Variants in EXPH5 observed in about 807,000 individuals in gnomAD.
EXPH5 encodes the protein exophilin 5.
In EXPH5, 42 loss-of-function variants were observed where a neutral mutation model predicts 41.1. That is an observed-to-expected ratio of 1.02 (90% CI 0.80 to 1.32). The LOEUF is 1.32. Among genes scored for constraint, EXPH5 ranks in the 40% most tolerant of loss-of-function variants. The pLI is 0.00. For synonymous variants in EXPH5, 798 were observed against 833.5 expected (o/e 0.96, Z 0.73); for missense variants, 2,298 against 2,314.5 (o/e 0.99, Z 0.15).
chr11:108,514,664 C>T lies in EXPH5; in HGVS notation c.843G>A (p.Arg281=). The part of the protein sequence containing the change: ...IYDILRPGTP[R]EGFKTFSPRT... ...TAGGAGAAAAGGTTTTAAAACCTTC[C>T]CTAGGAGTTCCTGGTCTTAGGATGT... is the stretch of plus-strand genomic sequence containing the variant. The change falls in exon 6 of 6, where the codon AGG becomes AGA. Residue 281 remains arginine, a synonymous_variant. Transcript: ENST00000265843. 13 of 1,604,158 alleles carry T rather than the reference C, an allele frequency of 8.1e-6. No individual in the cohort carries two copies. The highest frequency in any genetic ancestry group is 2.2e-5 in the East Asian group (1 of 44,862).
rs151065629 is a variant in EXPH5, at chr11:108,551,963, G to T, written c.120-10151C>A. ...TCGGGCCAGTGTCATAATGGAAGACGGATCAGGATGTCCAAGCAAGAGCCT... is the reference window on the plus strand; with the variant it reads ...TCGGGCCAGTGTCATAATGGAAGACTGATCAGGATGTCCAAGCAAGAGCCT... On this transcript the variant is annotated intron_variant, in intron 1 of 5. Coordinates refer to ENST00000265843, the MANE Select transcript of EXPH5 (RefSeq NM_015065.3). 2.6e-5 allele frequency: 4 copies of T among 152,182 alleles called. No individual in the cohort carries two copies. In the East Asian group the frequency reaches 7.7e-4, roughly 29 times the overall value. The allele number at this position is 152,182 out of a possible 1,614,324, so 9.4% of individuals were successfully genotyped here. A position where few individuals can be genotyped will look rare whatever the true frequency, so the allele number is the denominator to read the frequency against.
chr11:108,555,170 A>C (rs967316569), intron 1 of EXPH5, among the ~76,000 whole-genome samples: 8 of 152,246 alleles, frequency 5.3e-5, no homozygotes, highest in Non-Finnish European at 8.8e-5. Context: ...TCACCCGGCT[A>C]GCTCTCACAC....
chr11:108,542,503 A>G (rs2093918063), intron 1 of EXPH5, among the ~76,000 whole-genome samples: 1 of 152,186 alleles, frequency 6.6e-6, no homozygotes. Context: ...GACACGCAGA[A>G]ACTAGAATAT....
intron 3 of EXPH5, among the ~76,000 whole-genome samples, chr11:108,534,489 C>T (rs1345698760): frequency 6.6e-6 from 1 of 152,216 alleles, no homozygotes; most frequent in East Asian, 1.9e-4. Context: ...GTCATTGAAC[C>T]TCAGTGACCT....
chr11:108,510,650 G>A lies in EXPH5; in HGVS notation c.4857C>T (p.Ile1619=). 1.2e-6 allele frequency: 2 copies of A among 1,614,216 alleles called. No homozygotes were observed. Among genetic ancestry groups the A allele is most frequent in the Non-Finnish European group, 8.5e-7 (1 of 1,180,038 alleles). ...CAGATCTGCTTCCACTTTGGGGGAA[G>A]ATAGTAGCTACATGTCTTCTGGGGC... The part of the protein sequence containing the change: ...DVSPRRHVAT[I]FPQSGSRSGF... The change falls in exon 6 of 6, where the codon ATC becomes ATT. Residue 1619 remains isoleucine, a synonymous_variant. Coordinates refer to ENST00000265843, the MANE Select transcript of EXPH5 (RefSeq NM_015065.3).
At position 108,510,709 on chromosome 11, in the gene EXPH5, T is replaced by A. The variant is rs759490119; in HGVS notation, c.4798A>T (p.Lys1600Ter). 6.2e-7 allele frequency: 1 copy of A among 1,614,234 alleles called. No individual in the cohort carries two copies. Among genetic ancestry groups the A allele is most frequent in the South Asian group, 1.1e-5 (1 of 91,088 alleles). The change falls in exon 6 of 6, where the codon AAA becomes TAA. Residue 1600 changes from lysine to a stop codon, truncating the protein, a stop_gained. Transcript: ENST00000265843. LOFTEE classifies it low-confidence loss of function (END_TRUNC). ...TTAGCTGGGAATTTTCTGCTGGCTTTAGACATGGCTGCCAATCTGTGTTTA... is the reference window on the plus strand; with the variant it reads ...TTAGCTGGGAATTTTCTGCTGGCTTAAGACATGGCTGCCAATCTGTGTTTA... ...SVKHRLAAMSKASRKFPAKDV... is the reference protein window; with the variant it reads ...SVKHRLAAMS
intron 1 of EXPH5, among the ~76,000 whole-genome samples, chr11:108,591,938 C>G (rs2136130307): frequency 6.6e-6 from 1 of 152,320 alleles, no homozygotes; most frequent in South Asian, 2.1e-4. Context: ...TTAAGAAGCC[C>G]CATCCTCTTC....
rs140229612 is a variant in EXPH5, at chr11:108,583,243, G to A, written c.119+10175C>T. On this transcript the variant is annotated intron_variant, in intron 1 of 5. Transcript: ENST00000265843. ...TAAAAATACAAAAAATTAGCCGGGCGTGGTGGCGGGCTCCTGTAGTCCCAA... is the reference window on the plus strand; with the variant it reads ...TAAAAATACAAAAAATTAGCCGGGCATGGTGGCGGGCTCCTGTAGTCCCAA... Among the ~76,000 whole-genome samples the A allele has an allele frequency of 1.9e-3, 294 of 151,944 alleles. 4 individuals are homozygous for A. Among genetic ancestry groups the A allele is most frequent in the African/African-American group, 6.1e-3 (252 of 41,456 alleles).
At position 108,520,190 on chromosome 11, in the gene EXPH5, C is replaced by T. The variant is rs143624814; in HGVS notation, c.493-1817G>A. Reference sequence around the variant, plus strand: ...TAGGCGTTAGATTCTCACAGGATTGCGAACCCTATTGTGAACTGCACATGC... The same window carrying T: ...TAGGCGTTAGATTCTCACAGGATTGTGAACCCTATTGTGAACTGCACATGC... On this transcript the variant is annotated intron_variant, in intron 4 of 5. Transcript: ENST00000265843. Among the ~76,000 whole-genome samples, 20 of 152,232 alleles carry T rather than the reference C, an allele frequency of 1.3e-4. 1 individual carries two copies. The highest frequency in any genetic ancestry group is 7.8e-4 in the Admixed American group (12 of 15,294).
At chr11:108,571,403 G>C (rs1428453977) in intron 1 of EXPH5, among the ~76,000 whole-genome samples, 1 of 152,190 alleles carries the variant, frequency 6.6e-6, no homozygotes, top group African/African-American at 2.4e-5. Context: ...GAGGCACTGG[G>C]AAACAGACCA....
intron 3 of EXPH5, among the ~76,000 whole-genome samples, chr11:108,533,671 C>T (rs978311937): frequency 7.2e-5 from 11 of 152,196 alleles, no homozygotes; most frequent in African/African-American, 2.4e-4. Flanking sequence ...TTCTCAGTCT[C>T]TACACTGTTG....
intron 1 of EXPH5, among the ~76,000 whole-genome samples, chr11:108,587,952 C>T (rs944681608): frequency 5.3e-5 from 8 of 152,112 alleles, no homozygotes; most frequent in Non-Finnish European, 1.0e-4. Flanking sequence ...GGGGTTTCAC[C>T]GTGTTGGCCA....
intron 1 of EXPH5, among the ~76,000 whole-genome samples, chr11:108,588,313 G>T (rs376890526): frequency 1.3e-5 from 2 of 152,164 alleles, no homozygotes; most frequent in African/African-American, 2.4e-5. Flanking sequence ...TGACTACATA[G>T]AATTGTGTGT....
chr11:108,562,579 A>G (rs7950211), intron 1 of EXPH5, among the ~76,000 whole-genome samples: 2,158 of 152,302 alleles, frequency 0.014, 47 homozygotes, highest in African/African-American at 0.046. Flanking sequence ...ACTGCACTCC[A>G]GACTTGGCAG....
chr11:108,554,810 G>C (rs544210472), intron 1 of EXPH5, among the ~76,000 whole-genome samples: 222 of 152,242 alleles, frequency 1.5e-3, no homozygotes, highest in African/African-American at 5.1e-3. Context: ...TGTAGTCCCA[G>C]GTACTTGGCT....
At chr11:108,559,567 T>C (rs1411597325) in intron 1 of EXPH5, among the ~76,000 whole-genome samples, 1 of 152,236 alleles carries the variant, frequency 6.6e-6, no homozygotes, top group Non-Finnish European at 1.5e-5. Context: ...ACTACATCCT[T>C]AATTCTGACC....
At chr11:108,551,995 A>C (rs140247346) in intron 1 of EXPH5, 1 of 152,158 alleles carries the variant, frequency 6.6e-6, no homozygotes. Context: ...GCCTTTTCCA[A>C]ACCCTGAAGC....
chr11:108,547,097 G>A (rs1591722412), intron 1 of EXPH5, among the ~76,000 whole-genome samples: 2 of 152,128 alleles, frequency 1.3e-5, no homozygotes, highest in African/African-American at 4.8e-5. Context: ...CACTGCGCCT[G>A]GCCATGCATT....
Position 108,514,860 on chromosome 11 carries a change from T to C in EXPH5, c.647A>G (p.Asp216Gly). The C allele has an allele frequency of 6.8e-7, 1 of 1,460,652 alleles. No homozygotes were observed. Among genetic ancestry groups the C allele is most frequent in the Non-Finnish European group, 9.0e-7 (1 of 1,107,922 alleles). The allele number at this position is 1,460,652 out of a possible 1,614,324, so 90.5% of individuals were successfully genotyped here. The part of the protein sequence containing the change: ...NEFFQVLDDL[D>G]SKLAQEQSAS... ...AGACTGTTCCTGAGCCAATTTGCTATCCAAGTCATCTAAAACTGAAAAGAG... is the reference window on the plus strand; with the variant it reads ...AGACTGTTCCTGAGCCAATTTGCTACCCAAGTCATCTAAAACTGAAAAGAG... The change falls in exon 6 of 6, where the codon GAT becomes GGT. Residue 216 changes from aspartate to glycine, a missense_variant. Physicochemically the swap from Asp to Gly is moderately conservative, Grantham distance 94. Transcript: ENST00000265843.
Sources: allele counts gnomAD v4.1 joint callset (sites outside exome capture counted in the v4.1 genomes callset), GRCh38; gene constraint gnomAD v4.1.1; transcripts MANE v1.5; gene names NCBI Gene and HGNC (gene_info 2026-07-23, HGNC 2026-07-21).